Variants in CDH12 observed in about 807,000 individuals in gnomAD.
CDH12 encodes cadherin-12.
In CDH12, 41 loss-of-function variants were observed where a neutral mutation model predicts 74.1. The ratio of observed to expected loss-of-function variants is 0.55; its 90% confidence interval spans 0.43 to 0.72. CDH12 has a LOEUF of 0.72. CDH12 is among the 30% of genes least tolerant of loss of function. The probability of loss-of-function intolerance (pLI) is 0.00; values close to 1 mark genes in which losing one functional copy is unlikely to be tolerated. For synonymous variants in CDH12, 399 were observed against 355.0 expected (o/e 1.12, Z -1.39); for missense variants, 945 against 977.2 (o/e 0.97, Z 0.44).
chr5:21,943,446 A>G (rs1755430662), intron 6 of CDH12, among the ~76,000 whole-genome samples: 1 of 152,060 alleles, frequency 6.6e-6, no homozygotes, highest in Admixed American at 6.6e-5. Context: ...ATTTTGTAGG[A>G]CTTCTCTTCA....
At chr5:21,884,420 G>A (rs1291405182) in intron 6 of CDH12, 1 of 1,018,654 alleles carries the variant, frequency 9.8e-7, no homozygotes, top group African/African-American at 1.6e-5. Flanking sequence ...TGAAAAAAAG[G>A]CTGGCTGAAA....
intron 6 of CDH12, among the ~76,000 whole-genome samples, chr5:21,857,346 C>G (rs1475395533): frequency 6.6e-6 from 1 of 151,772 alleles, no homozygotes; most frequent in Non-Finnish European, 1.5e-5. Context: ...AATATAACCA[C>G]TCTAAATGGT....
chr5:22,202,158 C>A (rs924548804), intron 4 of CDH12, among the ~76,000 whole-genome samples: 1 of 36,760 alleles, frequency 2.7e-5, no homozygotes, highest in African/African-American at 6.3e-5. Flanking sequence ...TTCCTTCCTT[C>A]CTTCCTTCCT....
intron 6 of CDH12, among the ~76,000 whole-genome samples, chr5:21,887,579 A>G (rs186013222): frequency 2.2e-4 from 33 of 152,230 alleles, no homozygotes; most frequent in African/African-American, 7.5e-4. Flanking sequence ...TCCTTCAACA[A>G]TGGAAAATCA....
intron 1 of CDH12, among the ~76,000 whole-genome samples, chr5:22,832,933 A>T (rs1736681824): frequency 6.6e-6 from 1 of 152,166 alleles, no homozygotes; most frequent in African/African-American, 2.4e-5. Flanking sequence ...GTTTTTATTT[A>T]AATTTTTAAA....
chr5:22,043,003 G>C (rs1739685129), intron 5 of CDH12, among the ~76,000 whole-genome samples: 1 of 151,596 alleles, frequency 6.6e-6, no homozygotes, highest in Admixed American at 6.6e-5. Flanking sequence ...TTTTTCACTG[G>C]TGAAATCTAC....
chr5:21,949,358 G>A (rs1004166409), intron 6 of CDH12, among the ~76,000 whole-genome samples: 9 of 151,202 alleles, frequency 6.0e-5, no homozygotes, highest in African/African-American at 2.2e-4. Flanking sequence ...GCTGAGGCAG[G>A]AGAATGGCGT....
chr5:21,972,607 G>GA (rs1046847208), intron 6 of CDH12, among the ~76,000 whole-genome samples: 1 of 152,110 alleles, frequency 6.6e-6, no homozygotes, highest in African/African-American at 2.4e-5. Context: ...GTAAGTTCTG[G>GA]ATGCACAGTA....
At chr5:21,784,917 C>A (rs930943573) in intron 10 of CDH12, among the ~76,000 whole-genome samples, 1 of 152,140 alleles carries the variant, frequency 6.6e-6, no homozygotes, top group Non-Finnish European at 1.5e-5. Flanking sequence ...TACCTTATTT[C>A]ATGGCTCTTC....
chr5:22,464,957 G>A (rs1745665188), intron 2 of CDH12, among the ~76,000 whole-genome samples: 1 of 147,960 alleles, frequency 6.8e-6, no homozygotes. Flanking sequence ...AGCCGAGATT[G>A]CACCAGAAAG....
At chr5:22,318,527 CTCAAAAGTATTATAAT>C (rs1738726646) in intron 3 of CDH12, among the ~76,000 whole-genome samples, 2 of 152,134 alleles carry the variant, frequency 1.3e-5, no homozygotes, top group African/African-American at 4.8e-5. Flanking sequence ...ATTGCATGGC[CTCAAAAGTATTATAAT>C]TTTGTTCCCC....
At chr5:22,345,087 C>A (rs1309248394) in intron 3 of CDH12, among the ~76,000 whole-genome samples, 1 of 152,192 alleles carries the variant, frequency 6.6e-6, no homozygotes, top group Non-Finnish European at 1.5e-5. Context: ...ATGTCTTAAA[C>A]TTAACAGCGC....
chr5:22,501,888 T>C (rs1561451930), intron 2 of CDH12, among the ~76,000 whole-genome samples: 1 of 152,066 alleles, frequency 6.6e-6, no homozygotes, highest in Non-Finnish European at 1.5e-5. Context: ...TTTCCATCAG[T>C]TTCTGTTTCA....
At chr5:21,996,136 A>G (rs534330536) in intron 5 of CDH12, among the ~76,000 whole-genome samples, 4 of 129,996 alleles carry the variant, frequency 3.1e-5, no homozygotes, top group Non-Finnish European at 4.8e-5. Flanking sequence ...TTTTTTTCCA[A>G]TGCCTGCTTG....
intron 1 of CDH12, among the ~76,000 whole-genome samples, chr5:22,662,603 C>T (rs1740407771): frequency 2.6e-5 from 4 of 152,190 alleles, no homozygotes; most frequent in Admixed American, 2.6e-4. Flanking sequence ...TACATTAACA[C>T]TTCATTTGTA....
At chr5:22,536,673 T>G (rs1737860923) in intron 1 of CDH12, among the ~76,000 whole-genome samples, 4 of 152,186 alleles carry the variant, frequency 2.6e-5, no homozygotes, top group Admixed American at 1.3e-4. Flanking sequence ...ATATAACGCA[T>G]TTGAATTTAG....
At chr5:22,490,044 C>G (rs567596405) in intron 2 of CDH12, among the ~76,000 whole-genome samples, 1 of 152,188 alleles carries the variant, frequency 6.6e-6, no homozygotes, top group South Asian at 2.1e-4. Flanking sequence ...AGTTTGCCTA[C>G]TGAGGAAGAT....
At chr5:22,129,546 T>C (rs988745668) in intron 4 of CDH12, among the ~76,000 whole-genome samples, 3 of 152,018 alleles carry the variant, frequency 2.0e-5, no homozygotes, top group East Asian at 1.9e-4. Flanking sequence ...AAAACAAAAT[T>C]GACAAAAAGT....
chr5:22,609,158 G>A (rs140862008), intron 1 of CDH12, among the ~76,000 whole-genome samples: 108 of 152,190 alleles, frequency 7.1e-4, no homozygotes, highest in African/African-American at 2.4e-3. Flanking sequence ...GCATCAAATC[G>A]GCTTTTTTAT....
Sources: gnomAD v4.1 joint callset for allele counts (sites outside exome capture counted in the v4.1 genomes callset) on GRCh38, gnomAD v4.1.1 for gene constraint, MANE v1.5 for transcripts, NCBI Gene and HGNC (gene_info 2026-07-23, HGNC 2026-07-21) for gene names.